Variants in CST8 observed in about 807,000 individuals in gnomAD.
CST8 encodes the protein cystatin-8.
A neutral mutation model predicts 11.8 loss-of-function variants in CST8; 20 were observed. The observed-to-expected ratio is 1.70, with a 90% confidence interval of 1.20 to 2.47. The LOEUF is 2.47. Ranked by LOEUF, CST8 falls within the 30% of genes most tolerant of loss-of-function variation. The probability of loss-of-function intolerance (pLI) is 0.00; values close to 1 mark genes in which losing one functional copy is unlikely to be tolerated. For synonymous variants in CST8, 77 were observed against 63.1 expected, an observed-to-expected ratio of 1.22 and a Z score of -1.05; for missense variants, 196 against 167.2, an observed-to-expected ratio of 1.17 and a Z score of -0.95.
At chr20:23,500,005 GGA>G (rs141161423), downstream of CST8, among the ~76,000 whole-genome samples, 2 of 151,204 alleles carry the variant, frequency 1.3e-5, no homozygotes, top group South Asian at 2.1e-4. Context: ...AGGGTAGGAG[GGA>G]GAGAGAGAGA....
At chr20:23,497,265 G>A (rs969168095), downstream of CST8, among the ~76,000 whole-genome samples, 2 of 152,230 alleles carry the variant, frequency 1.3e-5, no homozygotes, top group East Asian at 1.9e-4. Flanking sequence ...CTTCTGCCAT[G>A]GCTTCAGCCG....
chr20:23,496,572 G>A (rs1462257382), downstream of CST8, among the ~76,000 whole-genome samples: 5 of 152,186 alleles, frequency 3.3e-5, no homozygotes, highest in African/African-American at 7.2e-5. Context: ...TTTCAGGCAC[G>A]CATTGTCATT....
chr20:23,499,450 A>T (rs1253376055), downstream of CST8, among the ~76,000 whole-genome samples: 1 of 152,158 alleles, frequency 6.6e-6, no homozygotes, highest in Non-Finnish European at 1.5e-5. Context: ...GACTCACTCT[A>T]CACCACCTTT....
chr20:23,497,121 T>G (rs1405145495), downstream of CST8, among the ~76,000 whole-genome samples: 1 of 152,226 alleles, frequency 6.6e-6, no homozygotes, highest in Non-Finnish European at 1.5e-5. Context: ...GAGTATTGAC[T>G]GGGGAAGTGA....
chr20:23,501,431 C>T, the CST8 span, among the ~76,000 whole-genome samples: 2 of 152,244 alleles, frequency 1.3e-5, no homozygotes, highest in East Asian at 3.9e-4. Context: ...TGCTGCCTTC[C>T]CTCCCTCCCT....
the CST8 span, among the ~76,000 whole-genome samples, chr20:23,501,970 C>T: frequency 6.6e-6 from 1 of 152,322 alleles, no homozygotes; most frequent in South Asian, 2.1e-4. Context: ...TTCCTGGAGG[C>T]TTTGTCACCT....
intron 3 of CST8, among the ~76,000 whole-genome samples, chr20:23,493,628 T>C (rs908048828): frequency 1.3e-5 from 2 of 152,144 alleles, no homozygotes; most frequent in Non-Finnish European, 2.9e-5. Flanking sequence ...TCCAGGAAGG[T>C]TGGGGCAAAC....
the CST8 span, among the ~76,000 whole-genome samples, chr20:23,506,975 G>A: frequency 6.6e-6 from 1 of 152,162 alleles, no homozygotes; most frequent in East Asian, 1.9e-4. Context: ...ATAAACATTA[G>A]GTTGGCAGTT....
the CST8 span, among the ~76,000 whole-genome samples, chr20:23,504,735 T>C: frequency 1.3e-5 from 2 of 152,130 alleles, no homozygotes; most frequent in African/African-American, 4.8e-5. Flanking sequence ...TACAATGACT[T>C]CAAGGAGGGA....
At chr20:23,502,280 T>C in the CST8 span, among the ~76,000 whole-genome samples, 1 of 152,202 alleles carries the variant, frequency 6.6e-6, no homozygotes, top group Non-Finnish European at 1.5e-5. Flanking sequence ...GCAAATATCA[T>C]TGCTTTAATT....
downstream of CST8, among the ~76,000 whole-genome samples, chr20:23,499,074 G>A (rs1988125765): frequency 6.6e-6 from 1 of 152,180 alleles, no homozygotes; most frequent in African/African-American, 2.4e-5. Flanking sequence ...CAGCCTCAAG[G>A]ACTCAGATGT....
chr20:23,491,128 A>C lies in CST8; in HGVS notation c.-358A>C, dbSNP rs979829554. On this transcript the variant is annotated 5_prime_UTR_variant, in exon 1 of 4. Transcript: ENST00000246012. ...AGACCAGGACCCACAGAGACCCTTG[A>C]CTGGGCCACAGGCATGAACTAAGAG... 1.3e-5 allele frequency: 2 copies of C among 154,084 alleles called. No individual in the cohort carries two copies. The highest frequency in any genetic ancestry group is 2.9e-5 in the Non-Finnish European group (2 of 69,462). The allele number at this position is 154,084 out of a possible 1,614,324, so 9.5% of individuals were successfully genotyped here. A position where few individuals can be genotyped will look rare whatever the true frequency, so the allele number is the denominator to read the frequency against.
chr20:23,496,568 G>A (rs1988052861), downstream of CST8, among the ~76,000 whole-genome samples: 1 of 152,246 alleles, frequency 6.6e-6, no homozygotes, highest in Non-Finnish European at 1.5e-5. Context: ...GAAGTTTCAG[G>A]CACGCATTGT....
the CST8 span, among the ~76,000 whole-genome samples, chr20:23,504,444 T>G: frequency 6.6e-6 from 1 of 152,156 alleles, no homozygotes; most frequent in African/African-American, 2.4e-5. Context: ...AATGTGGAAG[T>G]GTGTCCTGGG....
intron 2 of CST8, among the ~76,000 whole-genome samples, chr20:23,492,127 A>G (rs779600587): frequency 2.0e-5 from 3 of 152,214 alleles, no homozygotes; most frequent in Non-Finnish European, 4.4e-5. Context: ...TAACTCATTT[A>G]AACCCCAAAC....
At chr20:23,493,107 C>G (rs1987942137) in intron 3 of CST8, 36 bp downstream of exon 3, 1 of 1,253,602 alleles carries the variant, frequency 8.0e-7, no homozygotes, top group Non-Finnish European at 1.2e-6. Context: ...ACGGCCTAGG[C>G]AGCTCTGAAC....
At chr20:23,503,533 A>G in the CST8 span, among the ~76,000 whole-genome samples, 7 of 152,248 alleles carry the variant, frequency 4.6e-5, no homozygotes, top group African/African-American at 1.7e-4. Context: ...AAATACAAAT[A>G]AAATGGCCCT....
downstream of CST8, among the ~76,000 whole-genome samples, chr20:23,497,457 TGGTCTGGG>T (rs1988076911): frequency 6.6e-6 from 1 of 152,226 alleles, no homozygotes; most frequent in African/African-American, 2.4e-5. Flanking sequence ...ACAGGTCATT[TGGTCTGGG>T]GGACCCCTGT....
the CST8 span, among the ~76,000 whole-genome samples, chr20:23,505,836 A>T: frequency 6.6e-6 from 1 of 152,202 alleles, no homozygotes; most frequent in East Asian, 1.9e-4. Flanking sequence ...ATGAGATCCC[A>T]GGTGGTTTGT....
Sources: allele counts gnomAD v4.1 joint callset (sites outside exome capture counted in the v4.1 genomes callset), GRCh38; gene constraint gnomAD v4.1.1; transcripts MANE v1.5; gene names NCBI Gene and HGNC (gene_info 2026-07-23, HGNC 2026-07-21).